POGZ: variants seen among roughly 807,000 people sequenced by gnomAD.
POGZ encodes pogo transposable element with ZNF domain.
POGZ carries 17 observed loss-of-function variants against 134.6 expected under a neutral mutation model. The ratio of observed to expected loss-of-function variants is 0.13; its 90% CI spans 0.09 to 0.19. The LOEUF (loss-of-function observed/expected upper bound fraction) is 0.19, where lower values mean the gene tolerates loss of function less well. Ranked by LOEUF, POGZ falls within the 10% of genes least tolerant of loss-of-function variation. The pLI is 1.00. For missense variants in POGZ, 1,306 were observed against 1,769.7 expected, an observed-to-expected ratio of 0.74 and a Z score of 4.70; for synonymous variants, 693 against 657.1, an observed-to-expected ratio of 1.05 and a Z score of -0.84.
At chr1:151,446,461 T>C (rs1661286169) in intron 1 of POGZ, among the ~76,000 whole-genome samples, 1 of 151,986 alleles carries the variant, frequency 6.6e-6, no homozygotes, top group Non-Finnish European at 1.5e-5. Flanking sequence ...CAGTGCTACA[T>C]CAAGAGGAAA....
chr1:151,458,353 T>TGA (rs900248741), intron 1 of POGZ, among the ~76,000 whole-genome samples: 1 of 151,996 alleles, frequency 6.6e-6, no homozygotes, highest in Non-Finnish European at 1.5e-5. Context: ...ATTCCCCGCC[T>TGA]CATTCCATTT....
chr1:151,458,043 GAGAT>G (rs1334115978), intron 1 of POGZ, among the ~76,000 whole-genome samples: 1 of 152,046 alleles, frequency 6.6e-6, no homozygotes, highest in African/African-American at 2.4e-5. Context: ...CGGCTGCTGT[GAGAT>G]AGTCCAACTG....
chr1:151,458,589 C>A (rs1284421694), intron 1 of POGZ, among the ~76,000 whole-genome samples: 2 of 149,648 alleles, frequency 1.3e-5, no homozygotes, highest in East Asian at 2.0e-4. Flanking sequence ...CACCCCCACC[C>A]CCAGGGGCCG....
intron 3 of POGZ, among the ~76,000 whole-genome samples, chr1:151,432,842 C>A (rs1658921851): frequency 6.6e-6 from 1 of 152,074 alleles, no homozygotes; most frequent in Admixed American, 6.5e-5. Flanking sequence ...ATATCAAATA[C>A]CCAGTCAAAA....
intron 3 of POGZ, among the ~76,000 whole-genome samples, chr1:151,436,129 T>C (rs1198126430): frequency 6.6e-6 from 1 of 151,948 alleles, no homozygotes; most frequent in Non-Finnish European, 1.5e-5. Flanking sequence ...GCTAGTTTTT[T>C]ATATTTTTAG....
At position 151,406,276 on chromosome 1, in the gene POGZ, G is replaced by T; in HGVS notation, c.2759C>A (p.Thr920Asn). Residue 920 changes from threonine to asparagine, a missense_variant, in exon 19 of 19, where the codon ACC becomes AAC. Around this residue, in one of 10 missense-constraint regions of POGZ, gnomAD observed 214 missense variants for 255.5 expected, o/e 0.84. Transcript: ENST00000271715. ...SPASTATPPP[T>N]PTHPQALALP... ...GGCTAAAGCCTGCGGGTGAGTGGGG[G>T]TTGGTGGTGGGGTTGCAGTTGAGGC... The T allele has an allele frequency of 1.2e-6, 2 of 1,612,508 alleles. No homozygotes were observed. The highest frequency in any genetic ancestry group is 1.7e-6 in the Non-Finnish European group (2 of 1,178,972).
At chr1:151,457,927 CAA>C (rs34068254) in intron 1 of POGZ, among the ~76,000 whole-genome samples, 84 of 136,498 alleles carry the variant, frequency 6.2e-4, no homozygotes, top group South Asian at 3.0e-3. Context: ...AACTTCGTCT[CAA>C]AAAAAAAAAA....
intron 1 of POGZ, among the ~76,000 whole-genome samples, chr1:151,454,357 A>C (rs889555353): frequency 1.3e-5 from 2 of 152,224 alleles, no homozygotes. Flanking sequence ...ATAGGGCTGA[A>C]TACTTAATCT....
chr1:151,407,137 AAATT>A (rs1653791502), intron 16 of POGZ, 94 bp downstream of exon 16: 1 of 1,234,220 alleles, frequency 8.1e-7, no homozygotes, highest in East Asian at 2.4e-5. Flanking sequence ...CCTTTTTCTG[AAATT>A]AATTCACATA....
intron 10 of POGZ, among the ~76,000 whole-genome samples, chr1:151,423,035 T>C (rs1282046477): frequency 1.3e-5 from 2 of 152,228 alleles, no homozygotes. Flanking sequence ...AATATTATCT[T>C]TTAGCCTACA....
intron 1 of POGZ, among the ~76,000 whole-genome samples, chr1:151,443,277 C>T (rs1660808443): frequency 6.6e-6 from 1 of 152,210 alleles, no homozygotes; most frequent in Admixed American, 6.5e-5. Context: ...CCTTACTTGT[C>T]ATACTCTAGT....
chr1:151,447,598 G>A (rs1239819349), intron 1 of POGZ, among the ~76,000 whole-genome samples: 2 of 148,356 alleles, frequency 1.3e-5, no homozygotes, highest in African/African-American at 2.5e-5. Flanking sequence ...GGGACAAAGA[G>A]CTAACTAACT....
At chr1:151,440,029 G>A (rs1660271673) in intron 3 of POGZ, among the ~76,000 whole-genome samples, 1 of 152,112 alleles carries the variant, frequency 6.6e-6, no homozygotes, top group African/African-American at 2.4e-5. Flanking sequence ...GGCAGGCAGA[G>A]TAATGTACAA....
intron 11 of POGZ, 103 bp from the exon 12 acceptor site, chr1:151,411,874 G>A (rs1040915260): frequency 3.2e-6 from 3 of 944,822 alleles, no homozygotes; most frequent in African/African-American, 3.4e-5. Context: ...AAAAAAAAAA[G>A]TTTTCTCAAA....
intron 1 of POGZ, among the ~76,000 whole-genome samples, chr1:151,457,688 A>C (rs1662937897): frequency 6.6e-6 from 1 of 152,206 alleles, no homozygotes; most frequent in African/African-American, 2.4e-5. Flanking sequence ...GCACTTTGGG[A>C]GGCCAAGGCG....
Position 151,441,091 on chromosome 1 carries a change from G to C in POGZ, c.125-5C>G. On this transcript the variant is annotated splice_region_variant and splice_polypyrimidine_tract_variant and intron_variant, in intron 2 of 18. Coordinates refer to ENST00000271715, the MANE Select transcript of POGZ (RefSeq NM_015100.4). ...CTGGCTGCTGGCTCACAGAAACTGT[G>C]GGGAAGGGGAGGCATAGTCACTTGG... The C allele has an allele frequency of 6.2e-7, 1 of 1,612,380 alleles. No individual in the cohort carries two copies. Among genetic ancestry groups the C allele is most frequent in the South Asian group, 1.1e-5 (1 of 90,968 alleles).
Position 151,404,626 on chromosome 1 carries a change from C to T in POGZ, c.*176G>A. On this transcript the variant is annotated 3_prime_UTR_variant, in exon 19 of 19. Coordinates refer to ENST00000271715, the MANE Select transcript of POGZ (RefSeq NM_015100.4). ...TCAGACGTGATTACTATTGGTTTTC[C>T]TAATTAATCCACAAATCCACAGGGA... 7.4e-7 allele frequency: 1 copy of T among 1,360,440 alleles called. No individual in the cohort carries two copies. The highest frequency in any genetic ancestry group is 9.4e-7 in the Non-Finnish European group (1 of 1,061,216). The allele number at this position is 1,360,440 out of a possible 1,614,324, so 84.3% of individuals were successfully genotyped here.
chr1:151,403,233 G>C lies in POGZ; in HGVS notation c.*1569C>G. 1.0e-6 allele frequency: 1 copy of C among 985,750 alleles called. No individual in the cohort carries two copies. The highest frequency in any genetic ancestry group is 1.2e-6 in the Non-Finnish European group (1 of 829,916). 61.1% of individuals were successfully genotyped at this position (985,750 alleles called of 1,614,324 possible). On this transcript the variant is annotated 3_prime_UTR_variant, in exon 19 of 19. Transcript: ENST00000271715. The stretch of plus-strand genomic sequence containing the variant: ...ACAAACAAACAAAAAAGCAGGGTGG[G>C]GTGGGAGAAATGGGTGGTAACAAAT...
Position 151,428,131 on chromosome 1 carries a change from G to A in POGZ, c.851C>T (p.Pro284Leu). Residue 284 changes from proline (P) to leucine (L), a missense_variant, in exon 6 of 19, where the codon CCC becomes CTC. Pro to Leu is a moderately conservative substitution (Grantham distance 98, BLOSUM62 -3). Around this residue, in one of 10 missense-constraint regions of POGZ, gnomAD observed 541 missense variants for 680.5 expected, o/e 0.80. Coordinates refer to ENST00000271715, the MANE Select transcript of POGZ (RefSeq NM_015100.4). ...CTCTTCCGAAGCCTTACCTAGCTTG[G>A]GATTCGTGGTCTGGTTTGACTGGCC... The part of the protein sequence containing the change: ...SPGQSNQTTN[P>L]KLAPSFPSPP... The A allele has an allele frequency of 6.2e-7, 1 of 1,614,056 alleles. No homozygotes were observed. Among genetic ancestry groups the A allele is most frequent in the Non-Finnish European group, 8.5e-7 (1 of 1,179,958 alleles).
Sources: allele counts gnomAD v4.1 joint callset (sites outside exome capture counted in the v4.1 genomes callset), GRCh38; gene constraint gnomAD v4.1.1; regional missense constraint gnomAD v4.1.1; transcripts MANE v1.5; gene names NCBI Gene and HGNC (gene_info 2026-07-23, HGNC 2026-07-21).